The following PCDH7 variants were observed in gnomAD, a reference collection of about 807,000 sequenced individuals.
PCDH7 encodes protocadherin 7.
PCDH7 carries 17 observed loss-of-function variants against 58.9 expected under a neutral mutation model. That is an observed-to-expected ratio of 0.29 (90% CI 0.20 to 0.43). The LOEUF is 0.43. PCDH7 is among the 20% of genes least tolerant of loss of function. The pLI is 1.00. For synonymous variants in PCDH7, 664 were observed against 616.4 expected (o/e 1.08, Z -1.14); for missense variants, 1,274 against 1,441.0 (o/e 0.88, Z 1.88).
intron 1 of PCDH7, among the ~76,000 whole-genome samples, chr4:30,875,524 C>T (rs971200494): frequency 4.6e-5 from 7 of 152,046 alleles, no homozygotes; most frequent in African/African-American, 1.2e-4. Context: ...TCCAAGTTTA[C>T]GTAGTCCGTT....
At chr4:30,991,329 A>G (rs1751447247) in intron 3 of PCDH7, among the ~76,000 whole-genome samples, 1 of 152,166 alleles carries the variant, frequency 6.6e-6, no homozygotes. Flanking sequence ...GGATCCTATG[A>G]AAGATAATGT....
intron 3 of PCDH7, among the ~76,000 whole-genome samples, chr4:31,017,450 G>A (rs998217533): frequency 6.6e-6 from 1 of 152,112 alleles, no homozygotes; most frequent in Admixed American, 6.6e-5. Context: ...ACAGTTCCCT[G>A]CACATAATGC....
chr4:30,756,327 C>T (rs566944345), intron 1 of PCDH7, among the ~76,000 whole-genome samples: 5 of 152,198 alleles, frequency 3.3e-5, no homozygotes, highest in African/African-American at 4.8e-5. Context: ...TACCTCCCAA[C>T]AGCACCACAC....
chr4:30,965,262 T>C (rs1327499243), intron 3 of PCDH7, among the ~76,000 whole-genome samples: 1 of 152,084 alleles, frequency 6.6e-6, no homozygotes, highest in Non-Finnish European at 1.5e-5. Flanking sequence ...ACATCCTGAC[T>C]CACAACTGGG....
chr4:30,813,740 C>G (rs1727295454), intron 1 of PCDH7, among the ~76,000 whole-genome samples: 1 of 152,158 alleles, frequency 6.6e-6, no homozygotes, highest in South Asian at 2.1e-4. Flanking sequence ...CTTCTGGTTT[C>G]AAGCAATTTT....
chr4:30,723,249 T>C lies in PCDH7; in HGVS notation c.1827T>C (p.Val609=). The change falls in exon 1 of 2, where the codon GTT becomes GTC. Residue 609 remains valine, a synonymous_variant. Transcript: ENST00000361762. The surrounding 1 kb of genome is among the most constrained non-coding windows in gnomAD (Gnocchi z 4.6). ...AGACTGACAGGTATGAGTTTAAAGT[T>C]AACGCCAAAGACAAAGGCATCCCCG... The C allele has an allele frequency of 6.2e-7, 1 of 1,614,170 alleles. No homozygotes were observed. The highest frequency in any genetic ancestry group is 1.1e-5 in the South Asian group (1 of 91,084).
chr4:30,767,838 T>C (rs897344798), intron 1 of PCDH7, among the ~76,000 whole-genome samples: 1 of 152,242 alleles, frequency 6.6e-6, no homozygotes, highest in African/African-American at 2.4e-5. Flanking sequence ...TTCTTTGTAC[T>C]GCTTATCTTC....
At chr4:30,988,986 C>T (rs1181147137) in intron 3 of PCDH7, among the ~76,000 whole-genome samples, 2 of 152,018 alleles carry the variant, frequency 1.3e-5, no homozygotes, top group East Asian at 1.9e-4. Context: ...TCAAAAAGTC[C>T]TCACCTTCCT....
chr4:31,131,219 G>C (rs1718942756), intron 3 of PCDH7, among the ~76,000 whole-genome samples: 1 of 152,116 alleles, frequency 6.6e-6, no homozygotes, highest in South Asian at 2.1e-4. Flanking sequence ...TTAACAGTGA[G>C]ATTTTGCCAC....
intron 3 of PCDH7, among the ~76,000 whole-genome samples, chr4:31,020,353 C>G (rs982957594): frequency 1.3e-5 from 2 of 152,128 alleles, no homozygotes; most frequent in Non-Finnish European, 2.9e-5. Flanking sequence ...ATTCTCTCCT[C>G]TCTCTCTCCC....
chr4:31,019,706 G>A (rs1753883707), intron 3 of PCDH7, among the ~76,000 whole-genome samples: 1 of 151,274 alleles, frequency 6.6e-6, no homozygotes, highest in African/African-American at 2.4e-5. Context: ...AAAAGAAATA[G>A]GATTTCTGCC....
At chr4:30,774,591 T>C (rs1232040975) in intron 1 of PCDH7, among the ~76,000 whole-genome samples, 1 of 152,176 alleles carries the variant, frequency 6.6e-6, no homozygotes, top group Non-Finnish European at 1.5e-5. Context: ...GAGTGACCCT[T>C]GGCCCTCATA....
At chr4:30,754,505 A>C (rs559388859) in intron 1 of PCDH7, among the ~76,000 whole-genome samples, 2 of 152,310 alleles carry the variant, frequency 1.3e-5, no homozygotes, top group South Asian at 2.1e-4. Flanking sequence ...TAAGTCCTTA[A>C]TGTGAATTAA....
At chr4:31,015,657 A>T (rs1354683337) in intron 3 of PCDH7, among the ~76,000 whole-genome samples, 1 of 152,172 alleles carries the variant, frequency 6.6e-6, no homozygotes, top group East Asian at 1.9e-4. Flanking sequence ...TGTCTGCATT[A>T]TATCATTTAA....
intron 1 of PCDH7, among the ~76,000 whole-genome samples, chr4:30,784,037 T>C: frequency 6.6e-6 from 1 of 152,148 alleles, no homozygotes; most frequent in East Asian, 1.9e-4. Context: ...AGGCCATGTC[T>C]ATACAACTTC....
At chr4:30,985,052 C>T (rs35305973) in intron 3 of PCDH7, among the ~76,000 whole-genome samples, 31,498 of 152,080 alleles carry the variant, frequency 0.21, 3,689 homozygotes, top group East Asian at 0.47. Context: ...CTGCAACCTC[C>T]GCCTCGCGGG....
At chr4:30,900,416 G>A (rs1283300389) in intron 1 of PCDH7, among the ~76,000 whole-genome samples, 1 of 152,092 alleles carries the variant, frequency 6.6e-6, no homozygotes, top group Non-Finnish European at 1.5e-5. Flanking sequence ...TCCTCCCTCA[G>A]TCTTCCTCAA....
chr4:30,893,382 G>A, intron 1 of PCDH7, among the ~76,000 whole-genome samples: 1 of 152,074 alleles, frequency 6.6e-6, no homozygotes, highest in East Asian at 1.9e-4. Flanking sequence ...AGAAGTTACA[G>A]AACTATATAT....
intron 2 of PCDH7, among the ~76,000 whole-genome samples, chr4:30,941,969 A>G (rs1560520723): frequency 6.6e-6 from 1 of 151,974 alleles, no homozygotes; most frequent in Non-Finnish European, 1.5e-5. Context: ...AAAATAATTT[A>G]TAGAATTATT....
Sources: gnomAD v4.1 joint callset for allele counts (sites outside exome capture counted in the v4.1 genomes callset) on GRCh38, gnomAD v4.1.1 for gene constraint, Gnocchi (gnomAD v3.1) non-coding constraint, MANE v1.5 for transcripts, NCBI Gene and HGNC (gene_info 2026-07-23, HGNC 2026-07-21) for gene names.